SEMA5B: variants seen among roughly 807,000 people sequenced by gnomAD.
SEMA5B encodes semaphorin 5B.
SEMA5B carries 66 observed loss-of-function variants against 135.0 expected under a neutral mutation model. The ratio of observed to expected loss-of-function variants is 0.49; its 90% CI spans 0.40 to 0.60. SEMA5B has a LOEUF of 0.60. Among genes scored for constraint, SEMA5B ranks in the 20% least tolerant of loss-of-function variants. The probability of loss-of-function intolerance (pLI) is 0.00; values close to 1 mark genes in which losing one functional copy is unlikely to be tolerated. For missense variants in SEMA5B, 1,501 were observed against 1,566.3 expected (o/e 0.96, Z 0.70); for synonymous variants, 690 against 639.5 (o/e 1.08, Z -1.19).
At chr3:122,988,979 C>T (rs1211571365) in intron 1 of SEMA5B, among the ~76,000 whole-genome samples, 6 of 152,236 alleles carry the variant, frequency 3.9e-5, no homozygotes, top group Admixed American at 3.3e-4. Context: ...GGAATCCCAT[C>T]GCGTAATCCC....
At chr3:122,926,284 C>T (rs1172935948) in intron 9 of SEMA5B, 108 bp downstream of exon 9, 8 of 1,094,102 alleles carry the variant, frequency 7.3e-6, no homozygotes, top group Admixed American at 5.1e-5. Context: ...AGATGACCCC[C>T]GGCAGGAGGC....
chr3:122,929,246 A>G (rs1938822713), intron 5 of SEMA5B, among the ~76,000 whole-genome samples, 188 bp from the exon 6 acceptor site: 1 of 152,196 alleles, frequency 6.6e-6, no homozygotes, highest in African/African-American at 2.4e-5. Flanking sequence ...CTCCTTACCC[A>G]GAGGTCTTTC....
At chr3:122,969,030 G>A (rs145433246) in intron 1 of SEMA5B, among the ~76,000 whole-genome samples, 92 of 152,300 alleles carry the variant, frequency 6.0e-4, no homozygotes, top group African/African-American at 2.2e-3. Context: ...TTCTGTGCTC[G>A]AATAATTTTA....
At chr3:122,988,838 G>A (rs1198361696) in intron 1 of SEMA5B, among the ~76,000 whole-genome samples, 1 of 152,226 alleles carries the variant, frequency 6.6e-6, no homozygotes. Flanking sequence ...GGAGCTCCTC[G>A]AAGCCAGAGA....
In SEMA5B at chr3:122,913,578, G is replaced by T. The variant is rs1197935883; in HGVS notation, c.2236C>A (p.Arg746Ser). ...GAGTTGCCGTTCTCGCAGGCCCGAC[G>T]CCGCGACTGCATGCCCCCTCCACAG... ...SNCGGGMQSR[R>S]RACENGNSCL... The change falls in exon 16 of 23, where the codon CGT becomes AGT. Residue 746 changes from arginine to serine, a missense_variant. Arg to Ser is a moderately radical substitution (Grantham distance 110, BLOSUM62 -1). Around this residue, in one of 2 missense-constraint regions of SEMA5B, gnomAD observed 927 missense variants for 881.6 expected, o/e 1.05. Coordinates refer to ENST00000357599, the MANE Select transcript of SEMA5B (RefSeq NM_001031702.4). The T allele has an allele frequency of 6.2e-7, 1 of 1,613,032 alleles. No homozygotes were observed. Among genetic ancestry groups the T allele is most frequent in the South Asian group, 1.1e-5 (1 of 91,006 alleles).
intron 3 of SEMA5B, among the ~76,000 whole-genome samples, chr3:122,946,708 G>T (rs4677981): frequency 6.6e-6 from 1 of 151,780 alleles, no homozygotes; most frequent in Admixed American, 6.6e-5. Context: ...GGTACGCAGA[G>T]GAAACTCTTG....
chr3:122,923,655 C>A lies in SEMA5B; in HGVS notation c.1234G>T (p.Ala412Ser), dbSNP rs1254071286. ...PFRYQENPRAAWLPIANPIPN... is the reference protein window; with the variant it reads ...PFRYQENPRASWLPIANPIPN... ...ATGGGGTTGGCTATGGGGAGCCAGG[C>A]AGCCCTGGGGTTCTCCTGGTAGCGA... The change falls in exon 10 of 23, where the codon GCC becomes TCC. Residue 412 changes from alanine to serine, a missense_variant. Ala to Ser is a moderately conservative substitution (Grantham distance 99). Around this residue, in one of 2 missense-constraint regions of SEMA5B, gnomAD observed 574 missense variants for 684.7 expected, o/e 0.84. Coordinates refer to ENST00000357599, the MANE Select transcript of SEMA5B (RefSeq NM_001031702.4). 1 of 1,614,106 alleles carries A rather than the reference C, an allele frequency of 6.2e-7. No homozygotes were observed. The highest frequency in any genetic ancestry group is 1.1e-5 in the South Asian group (1 of 91,080).
intron 1 of SEMA5B, among the ~76,000 whole-genome samples, chr3:122,998,145 C>T (rs1422135762): frequency 6.6e-6 from 1 of 152,146 alleles, no homozygotes; most frequent in African/African-American, 2.4e-5. Context: ...CAGGCATCCC[C>T]ACCTCTTATA....
chr3:122,993,641 G>T (rs1195639369), intron 1 of SEMA5B, among the ~76,000 whole-genome samples: 1 of 152,082 alleles, frequency 6.6e-6, no homozygotes, highest in African/African-American at 2.4e-5. Context: ...CTAATTTCAT[G>T]CAATCCCTCT....
At chr3:122,988,254 G>A (rs982530985) in intron 1 of SEMA5B, among the ~76,000 whole-genome samples, 2 of 152,196 alleles carry the variant, frequency 1.3e-5, no homozygotes, top group African/African-American at 4.8e-5. Context: ...GAGGCGATAG[G>A]GTTTTAATGG....
chr3:122,971,275 C>T (rs1208789461), intron 1 of SEMA5B, among the ~76,000 whole-genome samples: 3 of 152,254 alleles, frequency 2.0e-5, no homozygotes, highest in Non-Finnish European at 4.4e-5. Context: ...TAGCTGCTAA[C>T]CCAGCACCAG....
chr3:122,960,534 A>C (rs937171231), intron 2 of SEMA5B, among the ~76,000 whole-genome samples: 3 of 152,254 alleles, frequency 2.0e-5, no homozygotes, highest in African/African-American at 4.8e-5. Flanking sequence ...TGTTCATAGT[A>C]GCATTATTTA....
intron 2 of SEMA5B, among the ~76,000 whole-genome samples, chr3:122,952,602 G>A (rs1940106226): frequency 6.6e-6 from 1 of 152,240 alleles, no homozygotes; most frequent in Non-Finnish European, 1.5e-5. Flanking sequence ...TGATCGACTA[G>A]CATGAGTCAT....
intron 5 of SEMA5B, among the ~76,000 whole-genome samples, chr3:122,933,643 C>T (rs1939091794): frequency 6.6e-6 from 1 of 152,090 alleles, no homozygotes; most frequent in South Asian, 2.1e-4. Flanking sequence ...CTCATCTTTT[C>T]CTCTGTTCTC....
At chr3:122,934,632 T>A (rs770874572) in intron 5 of SEMA5B, among the ~76,000 whole-genome samples, 44 of 152,176 alleles carry the variant, frequency 2.9e-4, no homozygotes, top group Non-Finnish European at 2.4e-4. Context: ...TAACCAAAAT[T>A]ATTTTAAAAT....
intron 5 of SEMA5B, 90 bp from the exon 6 acceptor site, chr3:122,929,148 G>T: frequency 2.4e-6 from 3 of 1,271,148 alleles, no homozygotes; most frequent in Non-Finnish European, 3.4e-6. Context: ...CCAGTGTCGG[G>T]AGTGGACATG....
At chr3:122,997,013 G>C (rs1033024704) in intron 1 of SEMA5B, among the ~76,000 whole-genome samples, 39 of 152,188 alleles carry the variant, frequency 2.6e-4, no homozygotes, top group African/African-American at 8.4e-4. Flanking sequence ...CCCCAGGGAA[G>C]GGAAGCCCCG....
intron 19 of SEMA5B, 29 bp from the exon 20 acceptor site, chr3:122,912,098 C>G (rs1937754696): frequency 6.3e-7 from 1 of 1,599,132 alleles, no homozygotes; most frequent in Non-Finnish European, 8.6e-7. Context: ...ATGAGGTTAA[C>G]TGCCCAGGGA....
chr3:123,027,183 T>G (rs1942822962), intron 1 of SEMA5B: 1 of 152,900 alleles, frequency 6.5e-6, no homozygotes, highest in Non-Finnish European at 1.5e-5. Flanking sequence ...GCAGCCCAGA[T>G]GCGCCGACCA....
Sources: gnomAD v4.1 joint callset for allele counts (sites outside exome capture counted in the v4.1 genomes callset) on GRCh38, gnomAD v4.1.1 for gene constraint, gnomAD v4.1.1 regional missense constraint, MANE v1.5 for transcripts, NCBI Gene and HGNC (gene_info 2026-07-23, HGNC 2026-07-21) for gene names.